Variants in LPGAT1 observed in about 807,000 individuals in gnomAD.
LPGAT1 encodes the protein lysophosphatidylglycerol acyltransferase 1.
In LPGAT1, 11 loss-of-function variants were observed where a neutral mutation model predicts 47.5. That is an observed-to-expected ratio of 0.23 (90% CI 0.15 to 0.38). The LOEUF (loss-of-function observed/expected upper bound fraction) is 0.38, where lower values mean the gene tolerates loss of function less well. Among genes scored for constraint, LPGAT1 ranks in the 10% least tolerant of loss-of-function variants. LPGAT1 has a pLI of 1.00. For synonymous variants in LPGAT1, 138 were observed against 144.2 expected (o/e 0.96, Z 0.31); for missense variants, 293 against 439.0 (o/e 0.67, Z 2.97).
intron 6 of LPGAT1, among the ~76,000 whole-genome samples, chr1:211,777,212 C>T (rs1319352074): frequency 1.3e-5 from 2 of 152,100 alleles, no homozygotes. Flanking sequence ...AAGACATGGC[C>T]CAAATCCCCT....
rs1454394478 is a variant in LPGAT1 at position 211,746,515 on chromosome 1, AT to A, written c.*3383del. On this transcript the variant is annotated 3_prime_UTR_variant, in exon 8 of 8. Coordinates refer to ENST00000366997, the MANE Select transcript of LPGAT1 (RefSeq NM_014873.3). ...ATTAGTAAGCGTCCCTAGAAAAAAA[AT>A]GTCTGATGAGAGTAAGAATTCAAAC... 6.6e-6 allele frequency: 1 copy of A among 152,338 alleles called. No homozygotes were observed. Among genetic ancestry groups the A allele is most frequent in the Non-Finnish European group, 1.5e-5 (1 of 68,036 alleles). 9.4% of individuals were successfully genotyped at this position (152,338 alleles called of 1,614,324 possible).
At chr1:211,797,896 TA>T (rs1659412214) in intron 2 of LPGAT1, among the ~76,000 whole-genome samples, 1 of 152,152 alleles carries the variant, frequency 6.6e-6, no homozygotes, top group Non-Finnish European at 1.5e-5. Context: ...CTAATTGTAA[TA>T]AATTTTAAAA....
At chr1:211,782,139 A>G (rs927540814) in intron 5 of LPGAT1, among the ~76,000 whole-genome samples, 2 of 152,338 alleles carry the variant, frequency 1.3e-5, no homozygotes, top group South Asian at 2.1e-4. Flanking sequence ...CCCTATTAAC[A>G]TAAGAGCACA....
At chr1:211,809,556 AT>A (rs1414431097) in intron 2 of LPGAT1, among the ~76,000 whole-genome samples, 1 of 152,114 alleles carries the variant, frequency 6.6e-6, no homozygotes, top group Admixed American at 6.5e-5. Flanking sequence ...CATAATTCCC[AT>A]GTGTCGTGGG....
chr1:211,759,286 C>T (rs138084501), intron 6 of LPGAT1, among the ~76,000 whole-genome samples: 133 of 149,464 alleles, frequency 8.9e-4, no homozygotes, highest in Middle Eastern at 3.5e-3. Context: ...TTTTTAGAGA[C>T]GGGGTCTTGC....
intron 6 of LPGAT1, among the ~76,000 whole-genome samples, chr1:211,754,426 C>T (rs939376557): frequency 3.3e-5 from 5 of 152,158 alleles, no homozygotes; most frequent in African/African-American, 4.8e-5. Flanking sequence ...CAACTTTTGC[C>T]GCCATTGTCT....
intron 6 of LPGAT1, among the ~76,000 whole-genome samples, chr1:211,753,542 TCA>T (rs1657300420): frequency 6.6e-6 from 1 of 152,168 alleles, no homozygotes; most frequent in African/African-American, 2.4e-5. Flanking sequence ...CCTATTGTTC[TCA>T]GTCTTTTTTA....
Position 211,774,866 on chromosome 1 carries a change from T to C in LPGAT1, c.854+4052A>G, listed in dbSNP as rs541723129. 7.9e-5 allele frequency among the ~76,000 whole-genome samples: 12 copies of C among 152,338 alleles called. 1 individual carries two copies. The highest frequency in any genetic ancestry group is 6.2e-4 in the South Asian group (3 of 4,826). ...ATTTAAAATAAGTTATTACATTCTT[T>C]TGCTTTTTCCTAAGTGTCAGTACAG... is the stretch of plus-strand genomic sequence containing the variant. On this transcript the variant is annotated intron_variant, in intron 6 of 7. Transcript: ENST00000366997.
At position 211,830,151 on chromosome 1, in the gene LPGAT1, G is replaced by A. The variant is rs1426798838; in HGVS notation, c.-28+422C>T. On this transcript the variant is annotated intron_variant, in intron 1 of 7. Transcript: ENST00000366997. The surrounding 1 kb of genome is among the most constrained non-coding windows in gnomAD (Gnocchi z 5.9). The stretch of plus-strand genomic sequence containing the variant: ...GTTTCCGCGGATGTGGAAGGGTCGT[G>A]GCGGCGGGCGCGGCCCGCGCGCCGG... The A allele has an allele frequency of 1.0e-6, 1 of 983,712 alleles. No individual in the cohort carries two copies. The highest frequency in any genetic ancestry group is 1.2e-6 in the Non-Finnish European group (1 of 829,438). 60.9% of individuals were successfully genotyped at this position (983,712 alleles called of 1,614,324 possible).
At chr1:211,779,432 T>G (rs986609472) in intron 5 of LPGAT1, among the ~76,000 whole-genome samples, 1 of 151,056 alleles carries the variant, frequency 6.6e-6, no homozygotes. Context: ...AATCATTCAC[T>G]AAATATAATA....
chr1:211,799,910 T>C (rs56028546), intron 2 of LPGAT1, among the ~76,000 whole-genome samples: 12,551 of 152,196 alleles, frequency 0.082, 646 homozygotes, highest in Admixed American at 0.15. Flanking sequence ...AGATGAAACC[T>C]AAGACTATCT....
chr1:211,779,097 C>A, intron 5 of LPGAT1, 53 bp from the exon 6 acceptor site: 1 of 1,410,098 alleles, frequency 7.1e-7, no homozygotes. Context: ...ATATTATCTG[C>A]AGCAAATAAC....
At chr1:211,773,445 C>T (rs1373234009) in intron 6 of LPGAT1, among the ~76,000 whole-genome samples, 1 of 152,146 alleles carries the variant, frequency 6.6e-6, no homozygotes, top group African/African-American at 2.4e-5. Flanking sequence ...TACTTGAATG[C>T]CTTCTCCCAA....
At chr1:211,802,704 G>A (rs1659620814) in intron 2 of LPGAT1, among the ~76,000 whole-genome samples, 1 of 152,006 alleles carries the variant, frequency 6.6e-6, no homozygotes, top group African/African-American at 2.4e-5. Context: ...AAGAGTTCCA[G>A]AAAAAAGAAC....
Position 211,830,615 on chromosome 1 carries a change from G to A in LPGAT1, c.-70C>T. 8.3e-7 allele frequency: 1 copy of A among 1,208,278 alleles called. No individual in the cohort carries two copies. Among genetic ancestry groups the A allele is most frequent in the Non-Finnish European group, 1.0e-6 (1 of 972,796 alleles). 74.8% of individuals were successfully genotyped at this position (1,208,278 alleles called of 1,614,324 possible). ...CCAGCCGGGGCTTTGGGAGTCAGAG[G>A]AGCCGGAAGAATGCATGGCCGGCGG... On this transcript the variant is annotated 5_prime_UTR_variant, in exon 1 of 8. Coordinates refer to ENST00000366997, the MANE Select transcript of LPGAT1 (RefSeq NM_014873.3). This position sits in a 1 kb window ranked among gnomAD's most constrained non-coding sequence, Gnocchi z 5.9.
At chr1:211,822,823 C>G (rs1261632307) in intron 2 of LPGAT1, among the ~76,000 whole-genome samples, 3 of 151,716 alleles carry the variant, frequency 2.0e-5, no homozygotes, top group Admixed American at 2.0e-4. Context: ...CATGCAGTAA[C>G]TCCTCACTCT....
At chr1:211,805,084 A>C (rs1659703287) in intron 2 of LPGAT1, among the ~76,000 whole-genome samples, 1 of 150,362 alleles carries the variant, frequency 6.7e-6, no homozygotes, top group African/African-American at 2.5e-5. Flanking sequence ...AAAATACCAA[A>C]GTCAAAAGCA....
chr1:211,765,055 T>C (rs1657850624), intron 6 of LPGAT1, among the ~76,000 whole-genome samples: 1 of 152,232 alleles, frequency 6.6e-6, no homozygotes, highest in Non-Finnish European at 1.5e-5. Flanking sequence ...AGTAAGATGC[T>C]TAACAAATGC....
Position 211,830,476 on chromosome 1 carries a change from C to T in LPGAT1, c.-28+97G>A. On this transcript the variant is annotated intron_variant, in intron 1 of 7. Coordinates refer to ENST00000366997, the MANE Select transcript of LPGAT1 (RefSeq NM_014873.3). The surrounding 1 kb of genome is among the most constrained non-coding windows in gnomAD (Gnocchi z 5.9). ...CTCAGGCCGCTGCCGCCTCCCCGGG[C>T]CACGCGACGACGACACCCCCTTCCC... 8.4e-7 allele frequency: 1 copy of T among 1,186,494 alleles called. No individual in the cohort carries two copies. 73.5% of individuals were successfully genotyped at this position (1,186,494 alleles called of 1,614,324 possible). A position where few individuals can be genotyped will look rare whatever the true frequency, so the allele number is the denominator to read the frequency against.
Sources: allele counts gnomAD v4.1 joint callset (sites outside exome capture counted in the v4.1 genomes callset), GRCh38; gene constraint gnomAD v4.1.1; non-coding constraint Gnocchi (gnomAD v3.1); transcripts MANE v1.5; gene names NCBI Gene and HGNC (gene_info 2026-07-23, HGNC 2026-07-21).